Variants in ZNF281 observed in about 807,000 individuals in gnomAD.
The protein encoded by ZNF281 is zinc finger protein 281.
A neutral mutation model predicts 58.8 loss-of-function variants in ZNF281; 2 were observed. The ratio of observed to expected loss-of-function variants is 0.03; its 90% confidence interval spans 0.01 to 0.11. The LOEUF (loss-of-function observed/expected upper bound fraction) is 0.11. Among genes scored for constraint, ZNF281 ranks in the 10% least tolerant of loss-of-function variants. The probability of loss-of-function intolerance (pLI) is 1.00; values close to 1 mark genes in which losing one functional copy is unlikely to be tolerated. For synonymous variants in ZNF281, 465 were observed against 407.7 expected (o/e 1.14, Z -1.69); for missense variants, 975 against 1,090.7 (o/e 0.89, Z 1.49).
Position 200,407,888 on chromosome 1 carries a change from A to C in ZNF281, c.1818T>G (p.Val606=). The C allele has an allele frequency of 6.2e-7, 1 of 1,614,094 alleles. No individual in the cohort carries two copies. Among genetic ancestry groups the C allele is most frequent in the Non-Finnish European group, 8.5e-7 (1 of 1,180,026 alleles). Residue 606 remains valine (V), a synonymous_variant, in exon 2 of 2, where the codon GTT becomes GTG. Coordinates refer to ENST00000367353, the MANE Select transcript of ZNF281 (RefSeq NM_001281293.2). The stretch of plus-strand genomic sequence containing the variant: ...AGTATTGATCCAAAATACTTTGTAA[A>C]ACCTCATCAGGAATTCCAGACTTGT... The part of the protein sequence containing the change: ...CHDKSGIPDE[V]LQSILDQYSN...
rs568620603 is a variant in ZNF281 at position 200,405,175 on chromosome 1, A to G, written c.*1843T>C. 1 of 152,546 alleles carries G rather than the reference A, an allele frequency of 6.6e-6. No individual in the cohort carries two copies. The highest frequency in any genetic ancestry group is 1.5e-5 in the Non-Finnish European group (1 of 68,022). 9.4% of individuals were successfully genotyped at this position (152,546 alleles called of 1,614,324 possible). On this transcript the variant is annotated 3_prime_UTR_variant, in exon 2 of 2. Transcript: ENST00000367353. ...AATAGAACTTACCGCACTTACTGAAATAAGAAATAAACACTTTTTAGTACT... is the reference window on the plus strand; with the variant it reads ...AATAGAACTTACCGCACTTACTGAAGTAAGAAATAAACACTTTTTAGTACT...
rs1003381543 is a variant in ZNF281 at position 200,410,018 on chromosome 1, T to G, written c.-91A>C. 2.0e-6 allele frequency: 1 copy of G among 511,362 alleles called. No individual in the cohort carries two copies. The highest frequency in any genetic ancestry group is 2.0e-5 in the African/African-American group (1 of 49,918). 31.7% of individuals were successfully genotyped at this position (511,362 alleles called of 1,614,324 possible). A position where few individuals can be genotyped will look rare whatever the true frequency, so the allele number is the denominator to read the frequency against. Reference sequence around the variant, plus strand: ...AACGCCGTCCTCTCCACAATGGAATTAAAAGCCTCCCGTGTACTGCGCAGC... The same window carrying G: ...AACGCCGTCCTCTCCACAATGGAATGAAAAGCCTCCCGTGTACTGCGCAGC... On this transcript the variant is annotated 5_prime_UTR_variant, in exon 1 of 2. Transcript: ENST00000367353.
Position 200,408,830 on chromosome 1 carries a change from G to A in ZNF281, c.876C>T (p.Ser292=), listed in dbSNP as rs762056916. The change falls in exon 2 of 2, where the codon AGC becomes AGT. Residue 292 remains serine, a synonymous_variant. Coordinates refer to ENST00000367353, the MANE Select transcript of ZNF281 (RefSeq NM_001281293.2). ...TCTGAATGAAACCCATACTACACTG[G>A]CTGCACTGGAAAGGTCTTTCTCCTG... ...IHTGERPFQC[S]QCSMGFIQKY... is the part of the protein sequence containing the mutation. 2 of 1,614,056 alleles carry A rather than the reference G, an allele frequency of 1.2e-6. No homozygotes were observed. The highest frequency in any genetic ancestry group is 1.7e-5 in the Admixed American group (1 of 60,008).
Position 200,409,119 on chromosome 1 carries a change from A to T in ZNF281, c.587T>A (p.Leu196Ter). Residue 196 changes from leucine (L) to a stop codon, truncating the protein, a stop_gained, in exon 2 of 2, where the codon TTA becomes TAA. Transcript: ENST00000367353. LOFTEE classifies it high-confidence loss of function. ...QQPAQHHRDV[L>*]LSSSSRTDDH... is the part of the protein sequence containing the mutation. ...ATCAGTCCTGCTACTGCTGCTGAGT[A>T]ATACGTCACGGTGGTGCTGGGCTGG... 1 of 1,614,136 alleles carries T rather than the reference A, an allele frequency of 6.2e-7. No homozygotes were observed. The highest frequency in any genetic ancestry group is 8.5e-7 in the Non-Finnish European group (1 of 1,180,022).
In ZNF281 at chr1:200,407,807, C is replaced by G. The variant is rs1480137958; in HGVS notation, c.1899G>C (p.Val633=). 1 of 1,613,916 alleles carries G rather than the reference C, an allele frequency of 6.2e-7. No homozygotes were observed. The highest frequency in any genetic ancestry group is 8.5e-7 in the Non-Finnish European group (1 of 1,180,024). ...EDPFNIAEPR[V]DLHTSGEHSE... ...AGTGTTCTCCTGAGGTGTGTAAATCCACTCGTGGTTCTGCAATATTGAAAG... is the reference window on the plus strand; with the variant it reads ...AGTGTTCTCCTGAGGTGTGTAAATCGACTCGTGGTTCTGCAATATTGAAAG... The change falls in exon 2 of 2, where the codon GTG becomes GTC. Residue 633 remains valine, a synonymous_variant. Coordinates refer to ENST00000367353, the MANE Select transcript of ZNF281 (RefSeq NM_001281293.2).
rs1654503304 is a variant in ZNF281, at chr1:200,408,117, T to C, written c.1589A>G (p.Asn530Ser). 1 of 1,614,072 alleles carries C rather than the reference T, an allele frequency of 6.2e-7. No homozygotes were observed. The highest frequency in any genetic ancestry group is 8.5e-7 in the Non-Finnish European group (1 of 1,180,050). Residue 530 changes from asparagine to serine, a missense_variant, in exon 2 of 2, where the codon AAT becomes AGT. Physicochemically the swap from Asn to Ser is conservative, Grantham distance 46. This residue lies in a region of ZNF281 where 579 missense variants were observed against 608.9 expected (regional missense o/e 0.95). Transcript: ENST00000367353. ...TSGKQGQISS[N>S]YDDAMQFSKK... Reference sequence around the variant, plus strand: ...TGAAAACTGCATGGCATCATCATAATTACTACTTATCTGACCTTGTTTGCC... The same window carrying C: ...TGAAAACTGCATGGCATCATCATAACTACTACTTATCTGACCTTGTTTGCC...
chr1:200,408,429 G>C lies in ZNF281; in HGVS notation c.1277C>G (p.Ser426Trp), dbSNP rs967483817. The C allele has an allele frequency of 1.2e-6, 2 of 1,613,894 alleles. No homozygotes were observed. Among genetic ancestry groups the C allele is most frequent in the East Asian group, 4.5e-5 (2 of 44,892 alleles). The change falls in exon 2 of 2, where the codon TCG (serine) becomes TGG (tryptophan). Residue 426 changes from serine to tryptophan, a missense_variant. Physicochemically the swap from Ser to Trp is radical, Grantham distance 177 (BLOSUM62 -3). Transcript: ENST00000367353. ...KEQKTGKTNE[S>W]QISNNINMQS... ...CATGTTTATATTATTTGAAATTTGC[G>C]ATTCATTTGTTTTACCGGTCTTCTG... is the stretch of plus-strand genomic sequence containing the variant.
At position 200,405,081 on chromosome 1, in the gene ZNF281, C is replaced by T. The variant is rs1654416047; in HGVS notation, c.*1937G>A. 1 of 152,540 alleles carries T rather than the reference C, an allele frequency of 6.6e-6. No individual in the cohort carries two copies. The highest frequency in any genetic ancestry group is 1.5e-5 in the Non-Finnish European group (1 of 68,024). The allele number at this position is 152,540 out of a possible 1,614,324, so 9.4% of individuals were successfully genotyped here. A position where few individuals can be genotyped will look rare whatever the true frequency, so the allele number is the denominator to read the frequency against. ...TGTATAAAACAAACTGGAGAAAAAT[C>T]ATACAGCTTAAGAGATACAGTGGTA... On this transcript the variant is annotated 3_prime_UTR_variant, in exon 2 of 2. Transcript: ENST00000367353.
Position 200,407,590 on chromosome 1 carries a change from G to A in ZNF281, c.2116C>T (p.Pro706Ser). ...GACGTAGTGTATATTTGTTTTTCTGGAAACAAAGTGTGGTTGTGGAGAGGT... is the reference window on the plus strand; with the variant it reads ...GACGTAGTGTATATTTGTTTTTCTGAAAACAAAGTGTGGTTGTGGAGAGGT... ...SSPLHNHTLF[P>S]EKQIYTTSPL... is the part of the protein sequence containing the mutation. The change falls in exon 2 of 2, where the codon CCA (proline) becomes TCA (serine). Residue 706 changes from proline to serine, a missense_variant. Physicochemically the swap from Pro to Ser is moderately conservative, Grantham distance 74. This residue lies in a region of ZNF281 where 579 missense variants were observed against 608.9 expected (regional missense o/e 0.95). Transcript: ENST00000367353. 1 of 1,614,210 alleles carries A rather than the reference G, an allele frequency of 6.2e-7. No individual in the cohort carries two copies. Among genetic ancestry groups the A allele is most frequent in the Non-Finnish European group, 8.5e-7 (1 of 1,180,028 alleles).
chr1:200,409,098 G>C lies in ZNF281; in HGVS notation c.608C>G (p.Thr203Ser). Residue 203 changes from threonine to serine, a missense_variant, in exon 2 of 2, where the codon ACT (threonine) becomes AGT (serine). Transcript: ENST00000367353. ...CTCCTCAGTGCCATGGTGGTCATCA[G>C]TCCTGCTACTGCTGCTGAGTAATAC... ...RDVLLSSSSR[T>S]DDHHGTEEPK... The C allele has an allele frequency of 6.2e-7, 1 of 1,614,210 alleles. No homozygotes were observed. Among genetic ancestry groups the C allele is most frequent in the Non-Finnish European group, 8.5e-7 (1 of 1,180,022 alleles).
rs749948885 is a variant in ZNF281 at position 200,408,140 on chromosome 1, G to A, written c.1566C>T (p.Gly522=). Residue 522 remains glycine, a synonymous_variant, in exon 2 of 2, where the codon GGC becomes GGT. Transcript: ENST00000367353. The stretch of plus-strand genomic sequence containing the variant: ...AATTACTACTTATCTGACCTTGTTT[G>A]CCACTTGTACTTTGGAGAAGACCAA... ...ETIGLLQSTS[G]KQGQISSNYD... is the part of the protein sequence containing the mutation. 6.2e-7 allele frequency: 1 copy of A among 1,614,104 alleles called. No homozygotes were observed.
rs1654442195 is a variant in ZNF281, at chr1:200,406,074, G to A, written c.*944C>T. On this transcript the variant is annotated 3_prime_UTR_variant, in exon 2 of 2. Transcript: ENST00000367353. ...AGAACAAAAAAACCCAGAAGTGTAG[G>A]TAATACGTAACAGCGCAGACAGAAC... 1 of 152,134 alleles carries A rather than the reference G, an allele frequency of 6.6e-6. No individual in the cohort carries two copies. Among genetic ancestry groups the A allele is most frequent in the African/African-American group, 2.4e-5 (1 of 41,430 alleles). The allele number at this position is 152,134 out of a possible 1,614,324, so 9.4% of individuals were successfully genotyped here.
chr1:200,409,864 G>C, intron 1 of ZNF281, 82 bp downstream of exon 1: 2 of 1,145,780 alleles, frequency 1.7e-6, no homozygotes, highest in Non-Finnish European at 2.4e-6. Context: ...CAGCCCAGTC[G>C]CCTCCGGCAC....
Position 200,408,537 on chromosome 1 carries a change from T to C in ZNF281, c.1169A>G (p.Asn390Ser). 6.2e-7 allele frequency: 1 copy of C among 1,614,244 alleles called. No individual in the cohort carries two copies. The highest frequency in any genetic ancestry group is 8.5e-7 in the Non-Finnish European group (1 of 1,180,048). ...ATTTCCCTGAGACAACACAGCCAGA[T>C]TACCCATATTGGTATGGTTTGATGA... is the stretch of plus-strand genomic sequence containing the variant. ...PGSSNHTNMG[N>S]LAVLSQGNTS... Residue 390 changes from asparagine (N) to serine (S), a missense_variant, in exon 2 of 2, where the codon AAT (asparagine) becomes AGT (serine). By Grantham distance (46) the Asn-to-Ser change is conservative (BLOSUM62 1). Transcript: ENST00000367353.
In ZNF281 at chr1:200,406,692, A is replaced by AG. The variant is rs1353710335; in HGVS notation, c.*325dup. 5.0e-6 allele frequency: 1 copy of AG among 198,044 alleles called. No individual in the cohort carries two copies. Among genetic ancestry groups the AG allele is most frequent in the African/African-American group, 2.4e-5 (1 of 42,180 alleles). The allele number at this position is 198,044 out of a possible 1,614,324, so 12.3% of individuals were successfully genotyped here. The stretch of plus-strand genomic sequence containing the variant: ...ATCCTAGCAACAAAGTTTTTTTTGT[A>AG]GGTTTTTTTTTTTTGGTTTTTTTTT... On this transcript the variant is annotated 3_prime_UTR_variant, in exon 2 of 2. Transcript: ENST00000367353.
Position 200,409,477 on chromosome 1 carries a change from C to G in ZNF281, c.229G>C (p.Val77Leu). ...AGSAAPPPQC[V>L]LSSSTSAAPA... ...GCTGCGGAGGTAGAGGAGGATAACA[C>G]GCATTGCGGGGGAGGGGCGGCCGAC... The change falls in exon 2 of 2, where the codon GTG becomes CTG. Residue 77 changes from valine (V) to leucine (L), a missense_variant. Around this residue, in one of 3 missense-constraint regions of ZNF281, gnomAD observed 370 missense variants for 360.9 expected, o/e 1.03. Transcript: ENST00000367353. 1.3e-6 allele frequency: 2 copies of G among 1,546,394 alleles called. No individual in the cohort carries two copies. Among genetic ancestry groups the G allele is most frequent in the African/African-American group, 2.7e-5 (2 of 72,954 alleles).
rs1470756928 is a variant in ZNF281 at position 200,406,694 on chromosome 1, G to GTT, written c.*322_*323dup. ...CCTAGCAACAAAGTTTTTTTTGTAG[G>GTT]TTTTTTTTTTTTGGTTTTTTTTTGT... On this transcript the variant is annotated 3_prime_UTR_variant, in exon 2 of 2. Transcript: ENST00000367353. 1.8e-4 allele frequency: 31 copies of GTT among 169,322 alleles called. No homozygotes were observed. The highest frequency in any genetic ancestry group is 2.3e-3 in the Middle Eastern group (1 of 432). The allele number at this position is 169,322 out of a possible 1,614,324, so 10.5% of individuals were successfully genotyped here.
At position 200,408,113 on chromosome 1, in the gene ZNF281, A is replaced by G. The variant is rs763928242; in HGVS notation, c.1593T>C (p.Tyr531=). ...SGKQGQISSN[Y]DDAMQFSKKR... ...TCTTTGAAAACTGCATGGCATCATC[A>G]TAATTACTACTTATCTGACCTTGTT... The change falls in exon 2 of 2, where the codon TAT becomes TAC. Residue 531 remains tyrosine (Y), a synonymous_variant. Coordinates refer to ENST00000367353, the MANE Select transcript of ZNF281 (RefSeq NM_001281293.2). 3.1e-6 allele frequency: 5 copies of G among 1,614,206 alleles called. No individual in the cohort carries two copies. The highest frequency in any genetic ancestry group is 3.4e-6 in the Non-Finnish European group (4 of 1,180,036).
rs983466715 is a variant in ZNF281 at position 200,406,563 on chromosome 1, A to G, written c.*455T>C. The G allele has an allele frequency of 3.2e-5, 5 of 154,102 alleles. No individual in the cohort carries two copies. The highest frequency in any genetic ancestry group is 2.0e-4 in the Admixed American group (3 of 15,370). 9.5% of individuals were successfully genotyped at this position (154,102 alleles called of 1,614,324 possible). ...ATCCCTTACTTAAATGATGAAATGTATATCATACTATCTGTAAATTGGATA... is the reference window on the plus strand; with the variant it reads ...ATCCCTTACTTAAATGATGAAATGTGTATCATACTATCTGTAAATTGGATA... On this transcript the variant is annotated 3_prime_UTR_variant, in exon 2 of 2. Transcript: ENST00000367353.
Sources: allele counts gnomAD v4.1 joint callset, GRCh38; gene constraint gnomAD v4.1.1; regional missense constraint gnomAD v4.1.1; transcripts MANE v1.5; gene names NCBI Gene and HGNC (gene_info 2026-07-23, HGNC 2026-07-21).